NLGN1: variants seen among roughly 807,000 people sequenced by gnomAD.
NLGN1 encodes the protein neuroligin 1.
NLGN1 carries 12 observed loss-of-function variants against 65.5 expected under a neutral mutation model. The observed-to-expected ratio is 0.18, with a 90% CI of 0.12 to 0.30. The LOEUF is 0.30. Ranked by LOEUF, NLGN1 falls within the 10% of genes least tolerant of loss-of-function variation. The probability of loss-of-function intolerance (pLI) is 1.00; values close to 1 mark genes in which losing one functional copy is unlikely to be tolerated. For synonymous variants in NLGN1, 350 were observed against 359.5 expected (o/e 0.97, Z 0.30); for missense variants, 750 against 1,007.1 (o/e 0.74, Z 3.46).
At chr3:174,065,729 A>G (rs1738396132) in intron 4 of NLGN1, among the ~76,000 whole-genome samples, 2 of 151,974 alleles carry the variant, frequency 1.3e-5, no homozygotes, top group Non-Finnish European at 2.9e-5. Context: ...AAAAAAAAAC[A>G]ACATGACATT....
chr3:173,794,772 C>T (rs1161067366), intron 3 of NLGN1, among the ~76,000 whole-genome samples: 1 of 152,210 alleles, frequency 6.6e-6, no homozygotes, highest in African/African-American at 2.4e-5. Context: ...TTTTTATCTA[C>T]TTAAATTCTT....
intron 4 of NLGN1, among the ~76,000 whole-genome samples, chr3:174,100,614 A>T (rs2152573704): frequency 6.6e-6 from 1 of 152,110 alleles, no homozygotes; most frequent in Middle Eastern, 3.4e-3. Context: ...CGGAACTCTA[A>T]AAGTGGTTTC....
intron 3 of NLGN1, among the ~76,000 whole-genome samples, chr3:173,645,321 G>C (rs1758073865): frequency 6.6e-6 from 1 of 152,144 alleles, no homozygotes; most frequent in African/African-American, 2.4e-5. Context: ...CTTGGCCTTT[G>C]GGGGCCCCCG....
chr3:173,987,079 A>AT (rs140346663), intron 4 of NLGN1, among the ~76,000 whole-genome samples: 216 of 152,336 alleles, frequency 1.4e-3, no homozygotes, highest in African/African-American at 5.0e-3. Context: ...ACCAGGCAAC[A>AT]TTTTGGGCAA....
intron 4 of NLGN1, among the ~76,000 whole-genome samples, chr3:173,828,185 A>G (rs1362068980): frequency 6.6e-6 from 1 of 152,176 alleles, no homozygotes; most frequent in African/African-American, 2.4e-5. Context: ...TTGATAATAT[A>G]TGTATATAAT....
At chr3:174,094,246 G>A (rs761194877) in intron 4 of NLGN1, among the ~76,000 whole-genome samples, 7 of 151,996 alleles carry the variant, frequency 4.6e-5, no homozygotes, top group Non-Finnish European at 8.8e-5. Flanking sequence ...AAATAGCACC[G>A]TATAGACACA....
chr3:174,049,313 A>G (rs1291313964), intron 4 of NLGN1, among the ~76,000 whole-genome samples: 2 of 152,138 alleles, frequency 1.3e-5, no homozygotes, highest in East Asian at 3.9e-4. Flanking sequence ...ATGTTGGATG[A>G]TGAAAAGGTA....
intron 4 of NLGN1, among the ~76,000 whole-genome samples, chr3:173,887,299 T>G (rs1734526309): frequency 6.6e-6 from 1 of 152,030 alleles, no homozygotes; most frequent in African/African-American, 2.4e-5. Flanking sequence ...TCTGGAATCC[T>G]AAAGAGTTCA....
chr3:173,717,709 A>C (rs554518519), intron 3 of NLGN1, among the ~76,000 whole-genome samples: 2 of 152,248 alleles, frequency 1.3e-5, no homozygotes, highest in South Asian at 4.1e-4. Flanking sequence ...GTATGTGGCA[A>C]TTTACAGTTA....
intron 4 of NLGN1, among the ~76,000 whole-genome samples, chr3:174,197,518 C>CGAAAAAGAAAAAAAAAAA (rs1733653308): frequency 1.0e-5 from 1 of 100,412 alleles, no homozygotes. Flanking sequence ...TACTTAACCT[C>CGAAAAAGAAAAAAAAAAA]AAAAAAAAAA....
chr3:173,887,295 A>G (rs1435757820), intron 4 of NLGN1, among the ~76,000 whole-genome samples: 2 of 151,982 alleles, frequency 1.3e-5, no homozygotes, highest in African/African-American at 2.4e-5. Flanking sequence ...TGATTCTGGA[A>G]TCCTAAAGAG....
At position 173,685,957 on chromosome 3, in the gene NLGN1, C is replaced by T. The variant is rs561764477; in HGVS notation, c.493+80866C>T. 9.2e-5 allele frequency among the ~76,000 whole-genome samples: 14 copies of T among 152,170 alleles called. No homozygotes were observed. In the South Asian group the frequency reaches 2.7e-3, roughly 29 times the overall value. On this transcript the variant is annotated intron_variant, in intron 3 of 6. Transcript: ENST00000457714. ...GGAGTACGTGGACTATATCAAGCTA[C>T]AAGAAGGGTAAAGGGAAGAGGGAGA...
intron 5 of NLGN1, among the ~76,000 whole-genome samples, chr3:174,278,181 G>T (rs1485323452): frequency 6.6e-6 from 1 of 151,880 alleles, no homozygotes; most frequent in Admixed American, 6.6e-5. Context: ...TCTGCTGATG[G>T]TTTTTTCTTT....
At chr3:174,014,874 G>A (rs1726237678) in intron 4 of NLGN1, among the ~76,000 whole-genome samples, 4 of 152,096 alleles carry the variant, frequency 2.6e-5, no homozygotes, top group Admixed American at 6.6e-5. Context: ...CCCAAGTAGA[G>A]GCTTCATAAA....
At chr3:174,091,001 T>C (rs2152564350) in intron 4 of NLGN1, among the ~76,000 whole-genome samples, 1 of 152,330 alleles carries the variant, frequency 6.6e-6, no homozygotes, top group Middle Eastern at 3.4e-3. Flanking sequence ...CATTGATGCA[T>C]TGCTAGACCA....
chr3:173,542,424 C>T (rs1242898138), intron 2 of NLGN1, among the ~76,000 whole-genome samples: 2 of 151,932 alleles, frequency 1.3e-5, no homozygotes, highest in African/African-American at 4.8e-5. Flanking sequence ...TGCTTGATTT[C>T]CTCAAATATT....
intron 4 of NLGN1, among the ~76,000 whole-genome samples, chr3:173,909,699 G>A (rs1739186644): frequency 6.6e-6 from 1 of 152,070 alleles, no homozygotes; most frequent in South Asian, 2.1e-4. Context: ...TATTTTTTGA[G>A]ATGGAGTCTT....
At chr3:173,534,971 C>T (rs933610550) in intron 2 of NLGN1, among the ~76,000 whole-genome samples, 1 of 152,136 alleles carries the variant, frequency 6.6e-6, no homozygotes, top group Non-Finnish European at 1.5e-5. Context: ...ATGTTCTTTG[C>T]AAACACTGAA....
chr3:174,168,807 C>T (rs1441619222), intron 4 of NLGN1, among the ~76,000 whole-genome samples: 1 of 152,108 alleles, frequency 6.6e-6, no homozygotes, highest in Non-Finnish European at 1.5e-5. Flanking sequence ...GTATTAGCAC[C>T]AAGAAAGAAG....
Sources: gnomAD v4.1 joint callset for allele counts (sites outside exome capture counted in the v4.1 genomes callset) on GRCh38, gnomAD v4.1.1 for gene constraint, MANE v1.5 for transcripts, NCBI Gene and HGNC (gene_info 2026-07-23, HGNC 2026-07-21) for gene names.